The following SLC29A4 variants were observed in gnomAD, a reference collection of about 807,000 sequenced individuals.
SLC29A4 encodes equilibrative nucleoside transporter 4.
SLC29A4 carries 36 observed loss-of-function variants against 43.9 expected under a neutral mutation model. The observed-to-expected ratio is 0.82, with a 90% CI of 0.63 to 1.08. The LOEUF (loss-of-function observed/expected upper bound fraction) is 1.08, where lower values mean the gene tolerates loss of function less well. SLC29A4 is among the 50% of genes least tolerant of loss of function. The probability of loss-of-function intolerance (pLI) is 0.00; values close to 1 mark genes in which losing one functional copy is unlikely to be tolerated. For synonymous variants in SLC29A4, 491 were observed against 338.0 expected, an observed-to-expected ratio of 1.45 and a Z score of -4.97; for missense variants, 869 against 755.3, an observed-to-expected ratio of 1.15 and a Z score of -1.77.
Position 5,286,124 on chromosome 7 carries a change from C to T in SLC29A4, c.-8-1685C>T, listed in dbSNP as rs149195444. 2.0e-5 allele frequency among the ~76,000 whole-genome samples: 3 copies of T among 152,186 alleles called. No homozygotes were observed. In the East Asian group the frequency reaches 5.8e-4, roughly 29 times the overall value. On this transcript the variant is annotated intron_variant, in intron 1 of 10. Coordinates refer to ENST00000396872, the MANE Select transcript of SLC29A4 (RefSeq NM_153247.4). Reference sequence around the variant, plus strand: ...CTCCTTCATACTGGGGAAACTGAGGCACTACATTCAGCACTCAGTGCTGTG... The same window carrying T: ...CTCCTTCATACTGGGGAAACTGAGGTACTACATTCAGCACTCAGTGCTGTG...
chr7:5,283,983 G>A (rs1349067683), intron 1 of SLC29A4, among the ~76,000 whole-genome samples: 1 of 151,868 alleles, frequency 6.6e-6, no homozygotes, highest in East Asian at 1.9e-4. Context: ...AGTGGAAATG[G>A]GAGGAGCCGG....
Position 5,294,902 on chromosome 7 carries a change from A to G in SLC29A4, c.587A>G (p.Lys196Arg). ...SFYGYTGMLP[K>R]RYTQGVMTGE... is the part of the protein sequence containing the mutation. ...TACGGGTACACGGGGATGCTGCCCAAGCGGTACACGCAGGGGGTGATGACC... is the reference window on the plus strand; with the variant it reads ...TACGGGTACACGGGGATGCTGCCCAGGCGGTACACGCAGGGGGTGATGACC... The change falls in exon 6 of 11, where the codon AAG (lysine) becomes AGG (arginine). Residue 196 changes from lysine to arginine, a missense_variant. Lys to Arg is a conservative substitution (Grantham distance 26). Coordinates refer to ENST00000396872, the MANE Select transcript of SLC29A4 (RefSeq NM_153247.4). The G allele has an allele frequency of 6.2e-7, 1 of 1,611,204 alleles. No individual in the cohort carries two copies. The highest frequency in any genetic ancestry group is 8.5e-7 in the Non-Finnish European group (1 of 1,179,260).
chr7:5,296,222 G>T (rs1176145450), intron 6 of SLC29A4, among the ~76,000 whole-genome samples: 1 of 151,938 alleles, frequency 6.6e-6, no homozygotes, highest in African/African-American at 2.4e-5. Context: ...ACCTCTGCGC[G>T]CCCTCTGTTC....
At chr7:5,287,755 A>G in intron 1 of SLC29A4, 54 bp from the exon 2 acceptor site, 2 of 1,566,084 alleles carry the variant, frequency 1.3e-6, no homozygotes, top group South Asian at 1.2e-5. Flanking sequence ...TGCATGAGCC[A>G]TGGATCCCTC....
Position 5,296,913 on chromosome 7 carries a change from G to A in SLC29A4, c.620-23G>A, listed in dbSNP as rs373572284. ...CAGGGAGCTGGGCGGATCAGGCCCC[G>A]GCCCACTGTGCACGCCCCCCAGGCA... On this transcript the variant is annotated intron_variant, in intron 6 of 10. Transcript: ENST00000396872. 2.7e-5 allele frequency: 42 copies of A among 1,570,230 alleles called. No individual in the cohort carries two copies. The East Asian group carries it at 9.2e-4, about 34-fold the overall frequency.
At chr7:5,284,234 A>T (rs1351822016) in intron 1 of SLC29A4, among the ~76,000 whole-genome samples, 2 of 152,312 alleles carry the variant, frequency 1.3e-5, no homozygotes, top group East Asian at 1.9e-4. Context: ...AATAGAAATT[A>T]AAAAAATTAA....
intron 1 of SLC29A4, 28 bp from the exon 2 acceptor site, chr7:5,287,781 C>A: frequency 1.2e-6 from 2 of 1,603,834 alleles, no homozygotes; most frequent in Non-Finnish European, 1.7e-6. Flanking sequence ...TCTTCCCTCA[C>A]CTGCTCTCTC....
At position 5,296,922 on chromosome 7, in the gene SLC29A4, T is replaced by C. The variant is rs947981859; in HGVS notation, c.620-14T>C. 6.3e-7 allele frequency: 1 copy of C among 1,581,430 alleles called. No individual in the cohort carries two copies. Among genetic ancestry groups the C allele is most frequent in the African/African-American group, 1.3e-5 (1 of 74,242 alleles). On this transcript the variant is annotated splice_polypyrimidine_tract_variant and intron_variant, in intron 6 of 10. Transcript: ENST00000396872. ...GGGCGGATCAGGCCCCGGCCCACTG[T>C]GCACGCCCCCCAGGCACGGCGGGCG...
chr7:5,296,949 G>T lies in SLC29A4; in HGVS notation c.633G>T (p.Val211=), dbSNP rs1390921954. Residue 211 remains valine (V), a synonymous_variant, in exon 7 of 11, where the codon GTG becomes GTT. Coordinates refer to ENST00000396872, the MANE Select transcript of SLC29A4 (RefSeq NM_153247.4). ...GVMTGESTAG[V]MISLSRILTK... ...CACGCCCCCCAGGCACGGCGGGCGT[G>T]ATGATCTCTCTGAGCCGCATCCTCA... is the stretch of plus-strand genomic sequence containing the variant. 1 of 1,563,826 alleles carries T rather than the reference G, an allele frequency of 6.4e-7. No homozygotes were observed. The highest frequency in any genetic ancestry group is 8.7e-7 in the Non-Finnish European group (1 of 1,154,212).
Position 5,302,993 on chromosome 7 carries a change from C to T in SLC29A4, c.*54C>T, listed in dbSNP as rs1786280406. ...GAGGGCCTGACCAGGGGCCCCGAGG[C>T]CTGAGGGCCCCTCCCCTGTCCCCAC... On this transcript the variant is annotated 3_prime_UTR_variant, in exon 11 of 11. Transcript: ENST00000396872. The T allele has an allele frequency of 1.9e-6, 3 of 1,560,544 alleles. No homozygotes were observed. The highest frequency in any genetic ancestry group is 2.6e-6 in the Non-Finnish European group (3 of 1,155,490).
At chr7:5,296,663 C>T (rs1785687592) in intron 6 of SLC29A4, among the ~76,000 whole-genome samples, 2 of 142,534 alleles carry the variant, frequency 1.4e-5, no homozygotes, top group East Asian at 2.1e-4. Context: ...GCAGCTGGGC[C>T]ACTCATTGTA....
intron 5 of SLC29A4, 141 bp downstream of exon 5, chr7:5,291,962 C>T: frequency 8.4e-7 from 1 of 1,191,542 alleles, no homozygotes; most frequent in Non-Finnish European, 1.2e-6. Context: ...ACCTGCATGC[C>T]AGCGTGCACA....
At position 5,306,187 on chromosome 7, in the gene SLC29A4, A is replaced by ATTTGTTTTTTTTTTTTT. The variant is rs1333210739; in HGVS notation, c.*3251_*3252insGTTTTTTTTTTTTTTTT. ...ATTTTTTCTCATGTAAATTTGTTCA[A>ATTTGTTTTTTTTTTTTT]TTTCTTTTTTTTTTTTTTTTTTTTT... is the stretch of plus-strand genomic sequence containing the variant. On this transcript the variant is annotated 3_prime_UTR_variant, in exon 11 of 11. Transcript: ENST00000396872. 1.7e-5 allele frequency: 2 copies of ATTTGTTTTTTTTTTTTT among 117,584 alleles called. No homozygotes were observed. Among genetic ancestry groups the ATTTGTTTTTTTTTTTTT allele is most frequent in the Non-Finnish European group, 1.7e-5 (1 of 57,998 alleles). The allele number at this position is 117,584 out of a possible 1,614,324, so 7.3% of individuals were successfully genotyped here. A position where few individuals can be genotyped will look rare whatever the true frequency, so the allele number is the denominator to read the frequency against.
At chr7:5,295,602 C>G (rs532625496) in intron 6 of SLC29A4, among the ~76,000 whole-genome samples, 1 of 152,238 alleles carries the variant, frequency 6.6e-6, no homozygotes, top group African/African-American at 2.4e-5. Flanking sequence ...TCTCAGGGTT[C>G]CCAATCTTCC....
chr7:5,306,815 C>CA lies in SLC29A4; in HGVS notation c.*3876_*3877insA, dbSNP rs1786551135. 1 of 150,990 alleles carries CA rather than the reference C, an allele frequency of 6.6e-6. No homozygotes were observed. The allele number at this position is 150,990 out of a possible 1,614,324, so 9.4% of individuals were successfully genotyped here. A position where few individuals can be genotyped will look rare whatever the true frequency, so the allele number is the denominator to read the frequency against. ...TTTTATTTTTCCAATTAAATCTTTT[C>CA]TTTTTTTTTATGAAAAAAGATCACA... On this transcript the variant is annotated 3_prime_UTR_variant, in exon 11 of 11. Transcript: ENST00000396872.
At chr7:5,300,726 G>A (rs1786105030) in intron 10 of SLC29A4, 64 bp downstream of exon 10, 1 of 1,574,584 alleles carries the variant, frequency 6.4e-7, no homozygotes, top group Admixed American at 1.9e-5. Flanking sequence ...CCCTCGCGAG[G>A]AAACCCAGGC....
chr7:5,296,999 G>A lies in SLC29A4; in HGVS notation c.683G>A (p.Arg228His), dbSNP rs572694805. ...ACGAAGCTGCTGCTGCCCGACGAGC[G>A]CGCCAGCACGCTCATCTTCTTCCTG... ...ILTKLLLPDE[R>H]ASTLIFFLVS... Residue 228 changes from arginine to histidine, a missense_variant, in exon 7 of 11, where the codon CGC (arginine) becomes CAC (histidine). Transcript: ENST00000396872. 7.5e-6 allele frequency: 12 copies of A among 1,604,280 alleles called. No individual in the cohort carries two copies. In the South Asian group the frequency reaches 1.1e-4, roughly 15 times the overall value.
At chr7:5,300,923 A>G (rs528806805) in intron 10 of SLC29A4, among the ~76,000 whole-genome samples, 28 of 152,294 alleles carry the variant, frequency 1.8e-4, no homozygotes, top group African/African-American at 6.7e-4. Context: ...CAGTGGCGAC[A>G]AAACGGCGCT....
intron 2 of SLC29A4, 51 bp from the exon 3 acceptor site, chr7:5,290,681 T>C (rs1200012655): frequency 2.5e-6 from 4 of 1,571,004 alleles, no homozygotes; most frequent in Non-Finnish European, 2.6e-6. Context: ...GTGCGGTGAC[T>C]GTAGCCATGC....
Sources: allele counts gnomAD v4.1 joint callset (sites outside exome capture counted in the v4.1 genomes callset), GRCh38; gene constraint gnomAD v4.1.1; transcripts MANE v1.5; gene names NCBI Gene and HGNC (gene_info 2026-07-23, HGNC 2026-07-21).